The following SEMA4C variants were observed in gnomAD, a reference collection of about 807,000 sequenced individuals.
SEMA4C encodes semaphorin-4C.
In SEMA4C, 19 loss-of-function variants were observed where a neutral mutation model predicts 89.0. That is an observed-to-expected ratio of 0.21 (90% CI 0.15 to 0.31). SEMA4C has a LOEUF of 0.31. Ranked by LOEUF, SEMA4C falls within the 10% of genes least tolerant of loss-of-function variation. The pLI, the probability that SEMA4C is intolerant of heterozygous loss-of-function variation, is 1.00. For synonymous variants in SEMA4C, 428 were observed against 472.7 expected (o/e 0.91, Z 1.23); for missense variants, 811 against 1,107.0 (o/e 0.73, Z 3.79).
In SEMA4C at chr2:96,870,002, G is replaced by A; in HGVS notation, c.-164C>T. The A allele has an allele frequency of 2.0e-6, 2 of 986,014 alleles. No homozygotes were observed. Among genetic ancestry groups the A allele is most frequent in the Non-Finnish European group, 2.4e-6 (2 of 830,010 alleles). 61.1% of individuals were successfully genotyped at this position (986,014 alleles called of 1,614,324 possible). On this transcript the variant is annotated 5_prime_UTR_variant, in exon 1 of 15. Coordinates refer to ENST00000305476, the MANE Select transcript of SEMA4C (RefSeq NM_017789.5). ...AGCCCTCCGCGGCCTCTCTGCCACC[G>A]CCCCTCCGTCCCCGCCCGGCTCCGC...
intron 1 of SEMA4C, chr2:96,868,806 G>T: frequency 5.1e-6 from 5 of 985,308 alleles, no homozygotes; most frequent in Non-Finnish European, 6.0e-6. Context: ...CGCCGCGCAC[G>T]GCCGGCACCC....
chr2:96,863,448 G>A (rs939565890), intron 12 of SEMA4C: 61 of 1,299,592 alleles, frequency 4.7e-5, no homozygotes, highest in African/African-American at 9.0e-5. Flanking sequence ...TGCTGGGAGC[G>A]CAGCCCCGTG....
intron 1 of SEMA4C, chr2:96,868,342 C>A: frequency 2.3e-6 from 2 of 862,090 alleles, no homozygotes; most frequent in Non-Finnish European, 2.8e-6. Context: ...ACACCTAATT[C>A]TGGGAGGAAG....
At chr2:96,863,426 G>A in intron 12 of SEMA4C, 2 of 1,257,594 alleles carry the variant, frequency 1.6e-6, no homozygotes, top group African/African-American at 3.0e-5. Flanking sequence ...GGGAGCAGTT[G>A]CCAAGGCTTG....
At position 96,870,040 on chromosome 2, in the gene SEMA4C, G is replaced by C. The variant is rs2080170970; in HGVS notation, c.-202C>G. 2 of 982,284 alleles carry C rather than the reference G, an allele frequency of 2.0e-6. No individual in the cohort carries two copies. Among genetic ancestry groups the C allele is most frequent in the African/African-American group, 1.8e-5 (1 of 57,026 alleles). The allele number at this position is 982,284 out of a possible 1,614,324, so 60.8% of individuals were successfully genotyped here. On this transcript the variant is annotated 5_prime_UTR_variant, in exon 1 of 15. Transcript: ENST00000305476. Reference sequence around the variant, plus strand: ...CGCCCGGCTCCGCGCCCCTAGGCTCGGGCTCCCCGCGCCACCACGGCGGGC... The same window carrying C: ...CGCCCGGCTCCGCGCCCCTAGGCTCCGGCTCCCCGCGCCACCACGGCGGGC...
upstream of SEMA4C, chr2:96,870,714 C>G (rs993661873): frequency 2.0e-6 from 2 of 985,518 alleles, no homozygotes; most frequent in Non-Finnish European, 1.2e-6. Flanking sequence ...GAAAATGACT[C>G]CTCGTGCCAC....
chr2:96,866,076 G>T, intron 3 of SEMA4C, 147 bp from the exon 4 acceptor site: 3 of 1,068,180 alleles, frequency 2.8e-6, no homozygotes, highest in Non-Finnish European at 2.7e-6. Flanking sequence ...CAGAATGGAA[G>T]CCCCAAACCA....
chr2:96,864,781 G>C lies in SEMA4C; in HGVS notation c.886C>G (p.Gln296Glu). The change falls in exon 9 of 15, where the codon CAG becomes GAG. Residue 296 changes from glutamine (Q) to glutamate (E), a missense_variant. Physicochemically the swap from Gln to Glu is conservative, Grantham distance 29. Transcript: ENST00000305476. The surrounding 1 kb of genome is among the most constrained non-coding windows in gnomAD (Gnocchi z 6.3). ...TGCAGGGTGTGCATCGCCTGCAGCT[G>C]GTTGAAGTAGAGCTGCCAGTTCGGG... ...SAPNWQLYFN[Q>E]LQAMHTLQDT... The C allele has an allele frequency of 6.2e-7, 1 of 1,613,980 alleles. No individual in the cohort carries two copies. Among genetic ancestry groups the C allele is most frequent in the African/African-American group, 1.3e-5 (1 of 75,062 alleles).
intron 1 of SEMA4C, chr2:96,868,712 T>G (rs1559038155): frequency 1.0e-6 from 1 of 980,678 alleles, no homozygotes; most frequent in East Asian, 1.2e-4. Flanking sequence ...TCGGGTCGAG[T>G]CGGGGACTCC....
At chr2:96,870,165 C>T (rs971580982), upstream of SEMA4C, 2 of 983,164 alleles carry the variant, frequency 2.0e-6, no homozygotes, top group Middle Eastern at 5.2e-4. Flanking sequence ...CGCGAAGGCT[C>T]GCTCAGGAGG....
At chr2:96,866,212 T>G in intron 3 of SEMA4C, 71 bp downstream of exon 3, 1 of 1,526,240 alleles carries the variant, frequency 6.6e-7, no homozygotes, top group Non-Finnish European at 8.8e-7. Flanking sequence ...AGGGACCACC[T>G]AGCCAAGCAC....
At position 96,863,704 on chromosome 2, in the gene SEMA4C, C is replaced by G. The variant is rs1241028549; in HGVS notation, c.1421G>C (p.Ser474Thr). 6.2e-7 allele frequency: 1 copy of G among 1,613,852 alleles called. No homozygotes were observed. The highest frequency in any genetic ancestry group is 8.5e-7 in the Non-Finnish European group (1 of 1,179,906). Residue 474 changes from serine (S) to threonine (T), a missense_variant, in exon 12 of 15, where the codon AGC (serine) becomes ACC (threonine). Coordinates refer to ENST00000305476, the MANE Select transcript of SEMA4C (RefSeq NM_017789.5). ...TACCTTGCTCTGAGATAGCACCAGGCTTCTCATGGGCTCCTGGTCAAACAG... is the reference window on the plus strand; with the variant it reads ...TACCTTGCTCTGAGATAGCACCAGGGTTCTCATGGGCTCCTGGTCAAACAG... ...LQLFDQEPMR[S>T]LVLSQSKKLL...
At chr2:96,870,669 T>C, upstream of SEMA4C, 1 of 985,536 alleles carries the variant, frequency 1.0e-6, no homozygotes, top group Non-Finnish European at 1.2e-6. Flanking sequence ...GGCCTGCTCC[T>C]GCTTCTCACG....
chr2:96,870,100 G>GGCTCT, upstream of SEMA4C: 1 of 969,440 alleles, frequency 1.0e-6, no homozygotes, highest in Non-Finnish European at 1.2e-6. Flanking sequence ...GCGGCTCTCC[G>GGCTCT]CCCCCTTCCC....
At chr2:96,870,316 G>T (rs1314392873), upstream of SEMA4C, 22 of 985,306 alleles carry the variant, frequency 2.2e-5, no homozygotes, top group Non-Finnish European at 2.2e-5. Flanking sequence ...GCGCCACAGC[G>T]CCTGGAGGGA....
Position 96,861,001 on chromosome 2 carries a change from C to G in SEMA4C, c.2127G>C (p.Leu709=). 6.2e-7 allele frequency: 1 copy of G among 1,612,938 alleles called. No homozygotes were observed. Among genetic ancestry groups the G allele is most frequent in the Non-Finnish European group, 8.5e-7 (1 of 1,180,004 alleles). The change falls in exon 15 of 15, where the codon CTG becomes CTC. Residue 709 remains leucine, a synonymous_variant. Coordinates refer to ENST00000305476, the MANE Select transcript of SEMA4C (RefSeq NM_017789.5). This position sits in a 1 kb window ranked among gnomAD's most constrained non-coding sequence, Gnocchi z 7.8. ...KATERTLVYP[L]ELPKEPTSPP... ...GACTGGTGGGCTCCTTGGGCAGCTCCAGGGGGTACACCAAGGTCCTCTCAG... is the reference window on the plus strand; with the variant it reads ...GACTGGTGGGCTCCTTGGGCAGCTCGAGGGGGTACACCAAGGTCCTCTCAG...
In SEMA4C at chr2:96,863,814, A is replaced by G. The variant is rs2153363391; in HGVS notation, c.1331-20T>C. On this transcript the variant is annotated intron_variant, in intron 11 of 14. Transcript: ENST00000305476. ...CGTCTCCTGGGGGGTGCAGAGGAGA[A>G]GGTGTAAATGAGAGGGCACAAGGCC... is the stretch of plus-strand genomic sequence containing the variant. 2 of 1,610,692 alleles carry G rather than the reference A, an allele frequency of 1.2e-6. No individual in the cohort carries two copies. The highest frequency in any genetic ancestry group is 2.2e-5 in the South Asian group (2 of 91,026).
Position 96,860,809 on chromosome 2 carries a change from T to C in SEMA4C, c.2319A>G (p.Pro773=). The C allele has an allele frequency of 6.2e-7, 1 of 1,613,772 alleles. No homozygotes were observed. The change falls in exon 15 of 15, where the codon CCA becomes CCG. Residue 773 remains proline (P), a synonymous_variant. Transcript: ENST00000305476. ...PGIPGQPLPS[P]TRLHLGGGRN... is the part of the protein sequence containing the mutation. ...GCCCACCCCCCAGGTGAAGCCGAGT[T>C]GGAGAAGGCAGAGGCTGGCCTGGGA...
chr2:96,867,307 G>T (rs914078494), intron 2 of SEMA4C, among the ~76,000 whole-genome samples: 2 of 152,212 alleles, frequency 1.3e-5, no homozygotes, highest in Non-Finnish European at 2.9e-5. Flanking sequence ...TTTCACACGG[G>T]TGTGTGCACA....
Sources: allele counts gnomAD v4.1 joint callset (sites outside exome capture counted in the v4.1 genomes callset), GRCh38; gene constraint gnomAD v4.1.1; non-coding constraint Gnocchi (gnomAD v3.1); transcripts MANE v1.5; gene names NCBI Gene and HGNC (gene_info 2026-07-23, HGNC 2026-07-21).